SLC23A2: variants seen among roughly 807,000 people sequenced by gnomAD.
SLC23A2 encodes solute carrier family 23 member 2, also known as Na(+)/L-ascorbic acid transporter 2.
Under a neutral mutation model 73.3 loss-of-function variants are expected in SLC23A2, and 36 were observed. The observed-to-expected ratio is 0.49, with a 90% CI of 0.38 to 0.65. The LOEUF is 0.65. Ranked by LOEUF, SLC23A2 falls within the 30% of genes least tolerant of loss-of-function variation. The pLI, the probability that SLC23A2 is intolerant of heterozygous loss-of-function variation, is 0.00. For synonymous variants in SLC23A2, 343 were observed against 327.3 expected, an observed-to-expected ratio of 1.05 and a Z score of -0.52; for missense variants, 507 against 841.6, an observed-to-expected ratio of 0.60 and a Z score of 4.92.
intron 1 of SLC23A2, among the ~76,000 whole-genome samples, chr20:4,990,106 T>TCCCC (rs1482609204): frequency 1.3e-5 from 2 of 152,042 alleles, no homozygotes; most frequent in Admixed American, 1.3e-4. Context: ...GGAGCCCAGA[T>TCCCC]CCCCAAGTCA....
chr20:4,874,456 G>T, intron 10 of SLC23A2, 120 bp downstream of exon 10: 1 of 877,314 alleles, frequency 1.1e-6, no homozygotes, highest in Non-Finnish European at 1.8e-6. Context: ...TAGTAGCCTG[G>T]TCTCACTGCA....
intron 2 of SLC23A2, among the ~76,000 whole-genome samples, chr20:4,962,142 A>AT (rs549419878): frequency 0.012 from 1,216 of 104,790 alleles, 19 homozygotes; most frequent in African/African-American, 0.042. Flanking sequence ...AAATGATATT[A>AT]TTTTAAAAAA....
rs181424493 is a variant in SLC23A2, at chr20:5,007,495, C to T, written c.-282+2687G>A. Among the ~76,000 whole-genome samples, 58 of 152,202 alleles carry T rather than the reference C, an allele frequency of 3.8e-4. No homozygotes were observed. The South Asian group carries it at 8.7e-3, about 23-fold the overall frequency. On this transcript the variant is annotated intron_variant, in intron 1 of 16. Coordinates refer to the SLC23A2 transcript ENST00000379333. ...GCAGTGAGCTGAAATCGCACCACTG[C>T]GCACCAACCTGGGCAATAGAGCAAG...
At chr20:4,885,599 A>G (rs1931066400) in intron 7 of SLC23A2, among the ~76,000 whole-genome samples, 2 of 152,206 alleles carry the variant, frequency 1.3e-5, no homozygotes, top group African/African-American at 2.4e-5. Context: ...AATGAGGTCA[A>G]TTCTGATCCT....
At chr20:4,943,972 A>G (rs988530020) in intron 2 of SLC23A2, among the ~76,000 whole-genome samples, 1 of 152,160 alleles carries the variant, frequency 6.6e-6, no homozygotes, top group African/African-American at 2.4e-5. Context: ...GGAAGCGGAG[A>G]GTGGTTACCT....
chr20:4,891,297 A>G (rs1931323430), intron 6 of SLC23A2, among the ~76,000 whole-genome samples: 1 of 152,228 alleles, frequency 6.6e-6, no homozygotes, highest in Non-Finnish European at 1.5e-5. Flanking sequence ...TTCATGTAAC[A>G]AGAGGACTCA....
At chr20:4,866,242 AC>A (rs1406402154) in intron 13 of SLC23A2, among the ~76,000 whole-genome samples, 6 of 152,380 alleles carry the variant, frequency 3.9e-5, no homozygotes, top group African/African-American at 1.4e-4. Flanking sequence ...AATAATGACA[AC>A]AAAAAGTTTG....
At chr20:4,977,489 C>A (rs1286139189) in intron 1 of SLC23A2, among the ~76,000 whole-genome samples, 1 of 151,590 alleles carries the variant, frequency 6.6e-6, no homozygotes, top group African/African-American at 2.4e-5. Context: ...GAGTTCGAGA[C>A]CAGCCTGGCC....
At chr20:4,875,853 A>T (rs1426538195) in intron 9 of SLC23A2, among the ~76,000 whole-genome samples, 1 of 152,236 alleles carries the variant, frequency 6.6e-6, no homozygotes, top group African/African-American at 2.4e-5. Context: ...GCTAAGCTTA[A>T]TTGTTCCTGG....
intron 2 of SLC23A2, among the ~76,000 whole-genome samples, chr20:4,935,717 T>C (rs890695819): frequency 1.3e-5 from 2 of 151,984 alleles, no homozygotes; most frequent in African/African-American, 4.8e-5. Context: ...GAGAATGGCG[T>C]GAACCTGGGA....
chr20:4,894,341 A>G (rs866965895), intron 6 of SLC23A2, among the ~76,000 whole-genome samples: 1 of 152,148 alleles, frequency 6.6e-6, no homozygotes. Flanking sequence ...AAAGCCTCCT[A>G]AAGTCCTCAA....
chr20:5,008,408 G>A lies in SLC23A2; in HGVS notation c.-282+1774C>T, dbSNP rs117497339. Among the ~76,000 whole-genome samples, 484 of 152,194 alleles carry A rather than the reference G, an allele frequency of 3.2e-3. 2 individuals carry two copies. The highest frequency in any genetic ancestry group is 5.8e-3 in the Non-Finnish European group (392 of 68,002). On this transcript the variant is annotated intron_variant, in intron 1 of 16. Transcript: ENST00000379333. The stretch of plus-strand genomic sequence containing the variant: ...GACACAAAAGCACACTGGTGGGCAC[G>A]GATCTATGCCCAAGGGGCTCAAAGA...
chr20:4,995,344 C>T (rs2088002126), intron 1 of SLC23A2, among the ~76,000 whole-genome samples: 1 of 152,178 alleles, frequency 6.6e-6, no homozygotes, highest in Non-Finnish European at 1.5e-5. Flanking sequence ...CCTCAGCCTC[C>T]TCCCAGTGCA....
At chr20:4,897,498 G>A (rs1024186352) in intron 6 of SLC23A2, among the ~76,000 whole-genome samples, 2 of 152,104 alleles carry the variant, frequency 1.3e-5, no homozygotes, top group Non-Finnish European at 2.9e-5. Context: ...GCACAGACAC[G>A]CACCCTCCTC....
chr20:4,906,497 G>A (rs1931960773), intron 4 of SLC23A2, among the ~76,000 whole-genome samples: 1 of 152,124 alleles, frequency 6.6e-6, no homozygotes, highest in East Asian at 1.9e-4. Flanking sequence ...GCGTACACCT[G>A]TAGTCCCAGC....
At chr20:5,002,053 G>C (rs1717809376), upstream of SLC23A2, among the ~76,000 whole-genome samples, 1 of 152,166 alleles carries the variant, frequency 6.6e-6, no homozygotes, top group South Asian at 2.1e-4. Flanking sequence ...TCTGGGGGTC[G>C]TGTTAGGCTA....
At chr20:4,967,683 ACATAGGCCTCTTGGAAAT>A (rs2087495300) in intron 2 of SLC23A2, among the ~76,000 whole-genome samples, 1 of 152,246 alleles carries the variant, frequency 6.6e-6, no homozygotes, top group Non-Finnish European at 1.5e-5. Context: ...ATTTCCCGAT[ACATAGGCCTCTTGGAAAT>A]CAGGCACCAA....
At chr20:4,965,821 G>A (rs1775501259) in intron 2 of SLC23A2, among the ~76,000 whole-genome samples, 1 of 152,168 alleles carries the variant, frequency 6.6e-6, no homozygotes, top group South Asian at 2.1e-4. Flanking sequence ...ACAAAAATTA[G>A]CTGAGCGTGG....
chr20:4,900,751 C>T (rs183784209), intron 5 of SLC23A2, among the ~76,000 whole-genome samples: 130 of 152,276 alleles, frequency 8.5e-4, no homozygotes, highest in African/African-American at 2.7e-3. Flanking sequence ...CCCCCCAACC[C>T]CCCGCCACAC....
Sources: gnomAD v4.1 joint callset for allele counts (sites outside exome capture counted in the v4.1 genomes callset) on GRCh38, gnomAD v4.1.1 for gene constraint, MANE v1.5 for transcripts, NCBI Gene and HGNC (gene_info 2026-07-23, HGNC 2026-07-21) for gene names.